The following CD47 variants were observed in gnomAD, a reference collection of about 807,000 sequenced individuals.
The protein encoded by CD47 is leukocyte surface antigen CD47.
In CD47, 11 loss-of-function variants were observed where a neutral mutation model predicts 44.6. The observed-to-expected ratio is 0.25, with a 90% CI of 0.16 to 0.41. The LOEUF (loss-of-function observed/expected upper bound fraction) is 0.41. Ranked by LOEUF, CD47 falls within the 10% of genes least tolerant of loss-of-function variation. CD47 has a pLI of 1.00. For synonymous variants in CD47, 140 were observed against 136.3 expected, an observed-to-expected ratio of 1.03 and a Z score of -0.19; for missense variants, 306 against 386.7, an observed-to-expected ratio of 0.79 and a Z score of 1.75.
intron 10 of CD47, among the ~76,000 whole-genome samples, chr3:108,049,097 TCTCTCTCTCTCTC>T: frequency 1.3e-3 from 1 of 756 alleles, no homozygotes; most frequent in Admixed American, 0.012. Flanking sequence ...ACGAAACATC[TCTCTCTCTCTCTC>T]TCTCTCTCTC....
intron 3 of CD47, among the ~76,000 whole-genome samples, chr3:108,064,461 G>T (rs1343932766): frequency 6.6e-6 from 1 of 152,226 alleles, no homozygotes; most frequent in South Asian, 2.1e-4. Context: ...GGACAAGAAG[G>T]TTTTCTGATT....
rs2078999743 is a variant in CD47 at position 108,060,865 on chromosome 3, A to C, written c.491-13T>G. 1 of 1,551,972 alleles carries C rather than the reference A, an allele frequency of 6.4e-7. No homozygotes were observed. The highest frequency in any genetic ancestry group is 1.4e-5 in the African/African-American group (1 of 73,828). On this transcript the variant is annotated splice_polypyrimidine_tract_variant and intron_variant, in intron 3 of 10. Coordinates refer to ENST00000361309, the MANE Select transcript of CD47 (RefSeq NM_001777.4). The stretch of plus-strand genomic sequence containing the variant: ...CTATATTTAAGTGCTTAAAAAAGAA[A>C]AACAAAGAATTATATGAACTCAATC...
At position 108,057,519 on chromosome 3, in the gene CD47, C is replaced by T. The variant is rs2078931106; in HGVS notation, c.835G>A (p.Ala279Thr). ...ACTAGTCCAAGTAATTGTGCTAGAG[C>T]TAAGATACTCAAACCTGAAATCAGA... is the stretch of plus-strand genomic sequence containing the variant. ...PLLISGLSIL[A>T]LAQLLGLVYM... The change falls in exon 7 of 11, where the codon GCT becomes ACT. Residue 279 changes from alanine to threonine, a missense_variant. Physicochemically the swap from Ala to Thr is moderately conservative, Grantham distance 58. Coordinates refer to ENST00000361309, the MANE Select transcript of CD47 (RefSeq NM_001777.4). The T allele has an allele frequency of 1.3e-6, 2 of 1,587,048 alleles. No homozygotes were observed. Among genetic ancestry groups the T allele is most frequent in the Non-Finnish European group, 1.7e-6 (2 of 1,155,922 alleles).
At chr3:108,075,017 A>T (rs2079284410) in intron 2 of CD47, among the ~76,000 whole-genome samples, 1 of 152,214 alleles carries the variant, frequency 6.6e-6, no homozygotes, top group East Asian at 1.9e-4. Context: ...GTGAGACATG[A>T]TACTTCTTTC....
intron 5 of CD47, 45 bp from the exon 6 acceptor site, chr3:108,058,474 T>C (rs1559990742): frequency 2.3e-6 from 3 of 1,290,928 alleles, no homozygotes; most frequent in East Asian, 2.6e-5. Flanking sequence ...CAAGAGTATT[T>C]AAAAAGCAAT....
At chr3:108,083,005 G>C (rs1254687056) in intron 1 of CD47, among the ~76,000 whole-genome samples, 1 of 151,854 alleles carries the variant, frequency 6.6e-6, no homozygotes, top group African/African-American at 2.4e-5. Context: ...GTCTGATTTG[G>C]GGTTTTTTCC....
At chr3:108,055,033 C>T (rs2078890293) in intron 7 of CD47, among the ~76,000 whole-genome samples, 2 of 151,988 alleles carry the variant, frequency 1.3e-5, no homozygotes, top group South Asian at 4.1e-4. Context: ...GTGCCCAGTC[C>T]TTTTTCTCAT....
At chr3:108,086,899 C>T (rs571600682) in intron 1 of CD47, among the ~76,000 whole-genome samples, 8 of 152,192 alleles carry the variant, frequency 5.3e-5, no homozygotes, top group African/African-American at 1.7e-4. Context: ...ACAGGTTGTC[C>T]TTTCGTTGGA....
Sources: allele counts gnomAD v4.1 joint callset (sites outside exome capture counted in the v4.1 genomes callset), GRCh38; gene constraint gnomAD v4.1.1; transcripts MANE v1.5; gene names NCBI Gene and HGNC (gene_info 2026-07-23, HGNC 2026-07-21).